GRM1: variants seen among roughly 807,000 people sequenced by gnomAD.
The protein encoded by GRM1 is glutamate metabotropic receptor 1.
A neutral mutation model predicts 90.9 loss-of-function variants in GRM1; 33 were observed. The ratio of observed to expected loss-of-function variants is 0.36; its 90% confidence interval spans 0.28 to 0.49. The LOEUF is 0.49. GRM1 is among the 20% of genes least tolerant of loss of function. The probability of loss-of-function intolerance (pLI) is 0.99; values close to 1 mark genes in which losing one functional copy is unlikely to be tolerated. For synonymous variants in GRM1, 700 were observed against 613.2 expected, an observed-to-expected ratio of 1.14 and a Z score of -2.09; for missense variants, 1,190 against 1,534.3, an observed-to-expected ratio of 0.78 and a Z score of 3.75.
In GRM1 at chr6:146,435,017, T is replaced by C. The variant is rs362827; in HGVS notation, c.*221T>C. 9,413 of 613,530 alleles carry C rather than the reference T, an allele frequency of 0.015. 644 individuals are homozygous for C. The highest frequency in any genetic ancestry group is 0.15 in the African/African-American group (8,208 of 54,386). The allele number at this position is 613,530 out of a possible 1,614,324, so 38.0% of individuals were successfully genotyped here. Reference sequence around the variant, plus strand: ...CCAGGCCAGGATTCGGATTCTTGAATTACTCGAAGCCTTCTCTGGGAAGAA... The same window carrying C: ...CCAGGCCAGGATTCGGATTCTTGAACTACTCGAAGCCTTCTCTGGGAAGAA... On this transcript the variant is annotated 3_prime_UTR_variant, in exon 8 of 8. Coordinates refer to ENST00000282753, the MANE Select transcript of GRM1 (RefSeq NM_001278064.2).
At chr6:146,142,854 G>A (rs1033028359) in intron 1 of GRM1, among the ~76,000 whole-genome samples, 2 of 152,098 alleles carry the variant, frequency 1.3e-5, no homozygotes, top group Non-Finnish European at 2.9e-5. Flanking sequence ...GCCTGGAATC[G>A]GTAACCCCAC....
chr6:146,339,380 A>G (rs921531053), intron 3 of GRM1, among the ~76,000 whole-genome samples: 1 of 152,148 alleles, frequency 6.6e-6, no homozygotes. Context: ...AATAATCTGA[A>G]CTTTTCCCTT....
chr6:146,195,023 T>A (rs763739949), intron 2 of GRM1, among the ~76,000 whole-genome samples: 4 of 152,224 alleles, frequency 2.6e-5, no homozygotes, highest in Non-Finnish European at 4.4e-5. Flanking sequence ...TCCAGAAGAT[T>A]GTAATCACTC....
At chr6:146,305,474 C>T (rs1331767290) in intron 3 of GRM1, among the ~76,000 whole-genome samples, 1 of 152,158 alleles carries the variant, frequency 6.6e-6, no homozygotes, top group African/African-American at 2.4e-5. Context: ...CCTAGTACTA[C>T]CATAACCCAG....
intron 2 of GRM1, among the ~76,000 whole-genome samples, chr6:146,190,418 T>C (rs1778895642): frequency 6.6e-6 from 1 of 151,730 alleles, no homozygotes; most frequent in Admixed American, 6.6e-5. Flanking sequence ...CAAACTGGGG[T>C]CCATGAGATT....
intron 2 of GRM1, among the ~76,000 whole-genome samples, chr6:146,180,007 A>G (rs1394662871): frequency 6.6e-6 from 1 of 152,028 alleles, no homozygotes; most frequent in East Asian, 1.9e-4. Context: ...AATTAACTGG[A>G]GTATGGTGGT....
At chr6:146,381,295 G>A (rs1420519166) in intron 5 of GRM1, among the ~76,000 whole-genome samples, 1 of 152,192 alleles carries the variant, frequency 6.6e-6, no homozygotes, top group Non-Finnish European at 1.5e-5. Flanking sequence ...AGGCACTTAA[G>A]TTCAAACCCA....
intron 2 of GRM1, among the ~76,000 whole-genome samples, chr6:146,161,580 C>T (rs1162554545): frequency 2.0e-5 from 3 of 152,102 alleles, no homozygotes; most frequent in Non-Finnish European, 2.9e-5. Flanking sequence ...TTCCACATAT[C>T]CGAGGGAGCT....
At chr6:146,323,546 G>C (rs1784283949) in intron 3 of GRM1, among the ~76,000 whole-genome samples, 1 of 152,102 alleles carries the variant, frequency 6.6e-6, no homozygotes, top group South Asian at 2.1e-4. Context: ...TAGGTTGCCT[G>C]TTCACTCTGA....
intron 2 of GRM1, among the ~76,000 whole-genome samples, chr6:146,263,099 T>G (rs150012281): frequency 6.6e-6 from 1 of 152,090 alleles, no homozygotes; most frequent in African/African-American, 2.4e-5. Flanking sequence ...TGACTCAGTA[T>G]TTCCCCTTCT....
chr6:146,245,696 C>G (rs1407029060), intron 2 of GRM1, among the ~76,000 whole-genome samples: 1 of 152,130 alleles, frequency 6.6e-6, no homozygotes, highest in African/African-American at 2.4e-5. Flanking sequence ...GATTAATGCT[C>G]ATATGACAAT....
chr6:146,422,558 C>G (rs919894966), intron 7 of GRM1, among the ~76,000 whole-genome samples: 1 of 152,120 alleles, frequency 6.6e-6, no homozygotes, highest in African/African-American at 2.4e-5. Context: ...AACAATCCTT[C>G]TTTATGGATG....
At chr6:146,035,818 A>AT (rs928174356) in intron 1 of GRM1, among the ~76,000 whole-genome samples, 2 of 151,862 alleles carry the variant, frequency 1.3e-5, no homozygotes. Flanking sequence ...TATTAAACTC[A>AT]TTTTTAAAGT....
intron 7 of GRM1, among the ~76,000 whole-genome samples, chr6:146,404,660 T>C (rs1391609583): frequency 1.3e-5 from 2 of 152,188 alleles, no homozygotes; most frequent in Non-Finnish European, 2.9e-5. Context: ...CATGCCACGA[T>C]GTAGAGTTTG....
chr6:146,118,817 C>G (rs973498131), intron 1 of GRM1, among the ~76,000 whole-genome samples: 3 of 152,216 alleles, frequency 2.0e-5, no homozygotes, highest in Non-Finnish European at 4.4e-5. Context: ...ATATGTGCCA[C>G]ATTTTCTTAA....
At chr6:146,198,039 T>G (rs776554798) in intron 2 of GRM1, among the ~76,000 whole-genome samples, 1 of 152,240 alleles carries the variant, frequency 6.6e-6, no homozygotes, top group Non-Finnish European at 1.5e-5. Context: ...ACAAGGACAC[T>G]TGGGGAGGTG....
At chr6:146,380,529 C>A (rs1228393288) in intron 5 of GRM1, among the ~76,000 whole-genome samples, 1 of 152,110 alleles carries the variant, frequency 6.6e-6, no homozygotes, top group African/African-American at 2.4e-5. Context: ...TGGGACATAC[C>A]CTTCAGGGCA....
chr6:146,302,247 C>G (rs898803101), intron 2 of GRM1, among the ~76,000 whole-genome samples: 1 of 151,082 alleles, frequency 6.6e-6, no homozygotes, highest in Non-Finnish European at 1.5e-5. Flanking sequence ...GAAGCCATCT[C>G]TAATTACCTC....
At chr6:146,075,731 A>G (rs1297228499) in intron 1 of GRM1, among the ~76,000 whole-genome samples, 1 of 152,168 alleles carries the variant, frequency 6.6e-6, no homozygotes, top group East Asian at 1.9e-4. Context: ...GTAGGAGAGA[A>G]TCCTTCCTTT....
Sources: allele counts gnomAD v4.1 joint callset (sites outside exome capture counted in the v4.1 genomes callset), GRCh38; gene constraint gnomAD v4.1.1; transcripts MANE v1.5; gene names NCBI Gene and HGNC (gene_info 2026-07-23, HGNC 2026-07-21).